The following HELZ variants were observed in gnomAD, a reference collection of about 807,000 sequenced individuals.
HELZ encodes the protein helicase with zinc finger, also known as ATP-dependent RNA helicase with zinc finger domain.
HELZ carries 23 observed loss-of-function variants against 218.2 expected under a neutral mutation model. That is an observed-to-expected ratio of 0.11 (90% CI 0.08 to 0.15). The LOEUF is 0.15. Among genes scored for constraint, HELZ ranks in the 10% least tolerant of loss-of-function variants. The pLI is 1.00. For missense variants in HELZ, 1,813 were observed against 2,353.7 expected, an observed-to-expected ratio of 0.77 and a Z score of 4.75; for synonymous variants, 814 against 829.4, an observed-to-expected ratio of 0.98 and a Z score of 0.32.
chr17:67,106,499 G>A (rs985704595), intron 31 of HELZ, among the ~76,000 whole-genome samples: 1 of 151,908 alleles, frequency 6.6e-6, no homozygotes. Context: ...AGTAGAGACG[G>A]GGTTTCACCG....
rs763639346 is a variant in HELZ, at chr17:67,151,084, T to C, written c.2318A>G (p.Asn773Ser). ...CAACTGACAGAGGTACTGGGAAGTA[T>C]TCAAGGTAACAACCACCACTCGATG... ...LKHRVVVVTLNTSQYLCQLDL... is the reference protein window; with the variant it reads ...LKHRVVVVTLSTSQYLCQLDL... The change falls in exon 18 of 33, where the codon AAT (asparagine) becomes AGT (serine). Residue 773 changes from asparagine to serine, a missense_variant. Coordinates refer to ENST00000358691, the MANE Select transcript of HELZ (RefSeq NM_014877.4). 1.2e-6 allele frequency: 2 copies of C among 1,613,950 alleles called. No individual in the cohort carries two copies. Among genetic ancestry groups the C allele is most frequent in the Non-Finnish European group, 8.5e-7 (1 of 1,179,886 alleles).
chr17:67,168,630 T>C (rs1360067862), intron 13 of HELZ, among the ~76,000 whole-genome samples: 2 of 152,230 alleles, frequency 1.3e-5, no homozygotes, highest in Non-Finnish European at 2.9e-5. Context: ...TAAATTTTCA[T>C]TCATGGCTAC....
chr17:67,127,835 C>T (rs1008258304), intron 24 of HELZ, among the ~76,000 whole-genome samples: 7 of 145,964 alleles, frequency 4.8e-5, no homozygotes, highest in African/African-American at 1.6e-4. Context: ...GACAGAGATC[C>T]CCTCTCAAAA....
chr17:67,120,573 G>A lies in HELZ; in HGVS notation c.3670C>T (p.Pro1224Ser). The change falls in exon 27 of 33, where the codon CCT becomes TCT. Residue 1224 changes from proline (P) to serine (S), a missense_variant. Pro to Ser is a moderately conservative substitution (Grantham distance 74, BLOSUM62 -1). Coordinates refer to ENST00000358691, the MANE Select transcript of HELZ (RefSeq NM_014877.4). ...GCTGCCTGATGTGTAATAATTCGAG[G>A]ATCAACTGCAAACCTACCCTGGTAT... ...TGYQGRFAVD[P>S]RIITHQAAMA... The A allele has an allele frequency of 1.9e-6, 3 of 1,612,938 alleles. No individual in the cohort carries two copies. The highest frequency in any genetic ancestry group is 8.5e-7 in the Non-Finnish European group (1 of 1,179,870).
chr17:67,106,723 G>T (rs954049455), intron 31 of HELZ, among the ~76,000 whole-genome samples: 1 of 152,186 alleles, frequency 6.6e-6, no homozygotes. Context: ...GAGTCCCTGG[G>T]TCTAACAAAG....
At chr17:67,233,069 G>T (rs1305208331) in intron 3 of HELZ, among the ~76,000 whole-genome samples, 1 of 152,258 alleles carries the variant, frequency 6.6e-6, no homozygotes, top group Non-Finnish European at 1.5e-5. Context: ...GGGAGGCAGA[G>T]GTTGCAGTGA....
chr17:67,205,855 A>C (rs1246448558), intron 5 of HELZ, among the ~76,000 whole-genome samples: 3 of 152,216 alleles, frequency 2.0e-5, no homozygotes, highest in Non-Finnish European at 2.9e-5. Context: ...TCTCTTTTTC[A>C]GACAAGAAGC....
At chr17:67,116,925 C>T (rs538217200) in intron 27 of HELZ, among the ~76,000 whole-genome samples, 3 of 152,234 alleles carry the variant, frequency 2.0e-5, no homozygotes, top group East Asian at 1.9e-4. Flanking sequence ...GCATGAATCT[C>T]GGCTCACTGC....
At chr17:67,167,923 A>G (rs2039195038) in intron 13 of HELZ, 127 bp from the exon 14 acceptor site, 2 of 670,342 alleles carry the variant, frequency 3.0e-6, no homozygotes, top group African/African-American at 1.8e-5. Context: ...ATTCCACTTC[A>G]TTGAGCTAAA....
chr17:67,161,597 T>C (rs1471272986), intron 15 of HELZ, among the ~76,000 whole-genome samples: 1 of 152,234 alleles, frequency 6.6e-6, no homozygotes, highest in Non-Finnish European at 1.5e-5. Flanking sequence ...TAAGAGATCC[T>C]AATTTTTACA....
intron 21 of HELZ, among the ~76,000 whole-genome samples, chr17:67,142,052 G>GA (rs969881545): frequency 6.7e-6 from 1 of 150,144 alleles, no homozygotes; most frequent in African/African-American, 2.5e-5. Flanking sequence ...TCAAAAAAAA[G>GA]AAAAAATAAT....
intron 12 of HELZ, among the ~76,000 whole-genome samples, chr17:67,183,168 A>C (rs1424731173): frequency 6.6e-6 from 1 of 152,218 alleles, no homozygotes; most frequent in African/African-American, 2.4e-5. Flanking sequence ...AATTAACAAT[A>C]AAATAAAATC....
chr17:67,094,892 C>T (rs1183680819), intron 31 of HELZ, among the ~76,000 whole-genome samples: 1 of 152,172 alleles, frequency 6.6e-6, no homozygotes, highest in Non-Finnish European at 1.5e-5. Flanking sequence ...AAAATACATA[C>T]TGTATTGCTA....
At chr17:67,140,465 T>A (rs1354559964) in intron 21 of HELZ, among the ~76,000 whole-genome samples, 2 of 151,590 alleles carry the variant, frequency 1.3e-5, no homozygotes, top group Non-Finnish European at 2.9e-5. Flanking sequence ...TTGCCAGGAG[T>A]CAATTGTAGA....
chr17:67,150,022 G>C, intron 18 of HELZ, 37 bp from the exon 19 acceptor site: 1 of 1,249,296 alleles, frequency 8.0e-7, no homozygotes, highest in African/African-American at 1.5e-5. Flanking sequence ...TAGCACGCTA[G>C]AGCAGCAACA....
chr17:67,084,417 C>T (rs1443567294), intron 32 of HELZ, among the ~76,000 whole-genome samples: 1 of 151,818 alleles, frequency 6.6e-6, no homozygotes, highest in African/African-American at 2.4e-5. Context: ...AATCCCAGCA[C>T]TTTGGGAGGC....
At chr17:67,105,337 T>C (rs1483453581) in intron 31 of HELZ, among the ~76,000 whole-genome samples, 1 of 152,184 alleles carries the variant, frequency 6.6e-6, no homozygotes, top group Non-Finnish European at 1.5e-5. Context: ...CACTCCTAAG[T>C]TACAGTGTGG....
rs537539166 is a variant in HELZ, at chr17:67,230,968, C to T, written c.-19+8465G>A. Reference sequence around the variant, plus strand: ...ATAATCCCATTTTGTAAGTAAAAAACAGATTATAAATAATGGTCATCTCAT... The same window carrying T: ...ATAATCCCATTTTGTAAGTAAAAAATAGATTATAAATAATGGTCATCTCAT... On this transcript the variant is annotated intron_variant, in intron 3 of 32. Coordinates refer to ENST00000358691, the MANE Select transcript of HELZ (RefSeq NM_014877.4). Among the ~76,000 whole-genome samples the T allele has an allele frequency of 4.0e-3, 614 of 152,186 alleles. 4 individuals are homozygous for T. The highest frequency in any genetic ancestry group is 4.5e-3 in the Non-Finnish European group (307 of 67,994).
rs576701584 is a variant in HELZ at position 67,225,240 on chromosome 17, C to T, written c.-18-6418G>A. The stretch of plus-strand genomic sequence containing the variant: ...TAATCTAATTTAATCCTCACAATGA[C>T]CCTATAAAGTAGATATTAGAATTGT... On this transcript the variant is annotated intron_variant, in intron 3 of 32. Transcript: ENST00000358691. 6.5e-4 allele frequency: 171 copies of T among 264,194 alleles called. 2 individuals carry two copies. The South Asian group carries it at 7.3e-3, about 11-fold the overall frequency. 16.4% of individuals were successfully genotyped at this position (264,194 alleles called of 1,614,324 possible).
Sources: gnomAD v4.1 joint callset for allele counts (sites outside exome capture counted in the v4.1 genomes callset) on GRCh38, gnomAD v4.1.1 for gene constraint, MANE v1.5 for transcripts, NCBI Gene and HGNC (gene_info 2026-07-23, HGNC 2026-07-21) for gene names.